Variants in CADM2 observed in about 807,000 individuals in gnomAD.
The protein encoded by CADM2 is cell adhesion molecule 2.
A neutral mutation model predicts 49.8 loss-of-function variants in CADM2; 12 were observed. That is an observed-to-expected ratio of 0.24 (90% CI 0.15 to 0.39). The LOEUF is 0.39. Among genes scored for constraint, CADM2 ranks in the 10% least tolerant of loss-of-function variants. CADM2 has a pLI of 1.00. For synonymous variants in CADM2, 214 were observed against 175.4 expected (o/e 1.22, Z -1.74); for missense variants, 378 against 492.3 (o/e 0.77, Z 2.20).
At chr3:85,539,275 A>G (rs1052957853) in intron 1 of CADM2, among the ~76,000 whole-genome samples, 3 of 152,158 alleles carry the variant, frequency 2.0e-5, no homozygotes, top group Non-Finnish European at 4.4e-5. Context: ...ACATTTCTCA[A>G]GAGTTCAAAG....
chr3:85,023,941 G>A (rs770998064), intron 1 of CADM2, among the ~76,000 whole-genome samples: 18 of 151,944 alleles, frequency 1.2e-4, no homozygotes, highest in African/African-American at 1.9e-4. Context: ...TTCTCAAGTC[G>A]TGTTATACAC....
At chr3:85,731,393 T>C (rs971333852) in intron 2 of CADM2, among the ~76,000 whole-genome samples, 1 of 152,194 alleles carries the variant, frequency 6.6e-6, no homozygotes, top group Non-Finnish European at 1.5e-5. Context: ...GGACAAATTT[T>C]CATTAAAGTT....
chr3:85,583,438 G>T (rs2062852165), intron 1 of CADM2, among the ~76,000 whole-genome samples: 1 of 152,086 alleles, frequency 6.6e-6, no homozygotes, highest in Admixed American at 6.6e-5. Context: ...GTGGTCACAG[G>T]AGGGTGAAAG....
chr3:85,266,620 T>G (rs1166034117), intron 1 of CADM2, among the ~76,000 whole-genome samples: 1 of 151,588 alleles, frequency 6.6e-6, no homozygotes, highest in Admixed American at 6.6e-5. Flanking sequence ...GGTAAGGTTT[T>G]AACTGCCTCT....
chr3:85,273,180 A>G (rs1288264891), intron 1 of CADM2, among the ~76,000 whole-genome samples: 4 of 151,338 alleles, frequency 2.6e-5, no homozygotes, highest in African/African-American at 7.3e-5. Flanking sequence ...AAATGACAGT[A>G]GGTCAGTGTG....
At chr3:85,450,232 ATATGT>A (rs1331236281) in intron 1 of CADM2, among the ~76,000 whole-genome samples, 3 of 152,178 alleles carry the variant, frequency 2.0e-5, no homozygotes, top group African/African-American at 7.2e-5. Context: ...TAATTGTCAC[ATATGT>A]TATGGTCTAA....
At chr3:85,294,228 A>G (rs1220985045) in intron 1 of CADM2, among the ~76,000 whole-genome samples, 2 of 152,188 alleles carry the variant, frequency 1.3e-5, no homozygotes, top group African/African-American at 4.8e-5. Context: ...AATCCAACAT[A>G]CAAGGGATGT....
intron 7 of CADM2, among the ~76,000 whole-genome samples, chr3:85,958,985 C>G (rs975797674): frequency 6.6e-6 from 1 of 151,266 alleles, no homozygotes; most frequent in Non-Finnish European, 1.5e-5. Flanking sequence ...ACGTAACAAG[C>G]CTGCATGTTC....
intron 1 of CADM2, among the ~76,000 whole-genome samples, chr3:84,973,313 G>T (rs1007232375): frequency 1.3e-5 from 2 of 151,996 alleles, no homozygotes; most frequent in Non-Finnish European, 2.9e-5. Context: ...TGAAATCACT[G>T]CTTTACAACA....
intron 1 of CADM2, among the ~76,000 whole-genome samples, chr3:85,217,387 G>T (rs375655792): frequency 7.9e-5 from 12 of 151,914 alleles, no homozygotes; most frequent in African/African-American, 2.9e-4. Flanking sequence ...AACACAGTAA[G>T]AGACAAAAGA....
intron 1 of CADM2, among the ~76,000 whole-genome samples, chr3:85,235,211 C>T (rs112920035): frequency 2.6e-5 from 4 of 152,038 alleles, no homozygotes; most frequent in African/African-American, 9.7e-5. Flanking sequence ...TTTTTTGTGA[C>T]ATTTTCACTG....
At chr3:85,237,386 C>A (rs1031702035) in intron 1 of CADM2, among the ~76,000 whole-genome samples, 7 of 151,718 alleles carry the variant, frequency 4.6e-5, no homozygotes, top group African/African-American at 1.7e-4. Context: ...CTAATTTAAT[C>A]ATGGAGAATA....
At chr3:85,539,002 T>A (rs371881111) in intron 1 of CADM2, among the ~76,000 whole-genome samples, 89 of 152,234 alleles carry the variant, frequency 5.8e-4, no homozygotes, top group Middle Eastern at 3.4e-3. Flanking sequence ...AATACAACAC[T>A]AAGATTATCA....
rs544372021 is a variant in CADM2 at position 85,926,568 on chromosome 3, C to T, written c.701-9199C>T. Among the ~76,000 whole-genome samples, 13 of 152,000 alleles carry T rather than the reference C, an allele frequency of 8.6e-5. No homozygotes were observed. In the East Asian group the frequency reaches 2.5e-3, roughly 29 times the overall value. On this transcript the variant is annotated intron_variant, in intron 6 of 9. Transcript: ENST00000383699. Reference sequence around the variant, plus strand: ...TGGAAACTCTTATGCAATAATATTGCGATAAGGCAAAGATTCACAAGTCTT... The same window carrying T: ...TGGAAACTCTTATGCAATAATATTGTGATAAGGCAAAGATTCACAAGTCTT...
intron 3 of CADM2, among the ~76,000 whole-genome samples, chr3:85,850,522 G>T (rs929562301): frequency 6.6e-6 from 1 of 151,742 alleles, no homozygotes; most frequent in Non-Finnish European, 1.5e-5. Context: ...TAGAGACGGG[G>T]TTTCACCATG....
intron 1 of CADM2, among the ~76,000 whole-genome samples, chr3:84,997,742 T>C (rs1368606340): frequency 6.6e-6 from 1 of 152,080 alleles, no homozygotes; most frequent in Non-Finnish European, 1.5e-5. Flanking sequence ...AATGGAAATA[T>C]TGAAATAAAA....
At chr3:85,739,235 A>G (rs2068277808) in intron 2 of CADM2, among the ~76,000 whole-genome samples, 4 of 152,088 alleles carry the variant, frequency 2.6e-5, no homozygotes. Context: ...ATAGAGTCAT[A>G]CTGCTTTGTT....
chr3:84,984,935 G>A (rs148626672), intron 1 of CADM2, among the ~76,000 whole-genome samples: 241 of 152,272 alleles, frequency 1.6e-3, no homozygotes, highest in African/African-American at 5.4e-3. Context: ...GGTACCCAGA[G>A]CTTTATGAGA....
intron 1 of CADM2, among the ~76,000 whole-genome samples, chr3:85,509,728 A>G (rs1422900273): frequency 6.6e-6 from 1 of 152,042 alleles, no homozygotes; most frequent in Non-Finnish European, 1.5e-5. Flanking sequence ...ATGAATTAAA[A>G]CCGCTATATA....
Sources: allele counts gnomAD v4.1 joint callset (sites outside exome capture counted in the v4.1 genomes callset), GRCh38; gene constraint gnomAD v4.1.1; transcripts MANE v1.5; gene names NCBI Gene and HGNC (gene_info 2026-07-23, HGNC 2026-07-21).